Variants in NEBL observed in about 807,000 individuals in gnomAD.
The protein encoded by NEBL is nebulette.
NEBL carries 122 observed loss-of-function variants against 140.2 expected under a neutral mutation model. That is an observed-to-expected ratio of 0.87 (90% CI 0.75 to 1.01). The LOEUF is 1.01. Among genes scored for constraint, NEBL ranks in the 50% least tolerant of loss-of-function variants. NEBL has a pLI of 0.00. For missense variants in NEBL, 1,365 were observed against 1,231.3 expected, an observed-to-expected ratio of 1.11 and a Z score of -1.62; for synonymous variants, 436 against 398.9, an observed-to-expected ratio of 1.09 and a Z score of -1.11.
At position 21,153,454 on chromosome 10, in the gene NEBL, T is replaced by C. The variant is rs531243533; in HGVS notation, c.164+18929A>G. On this transcript the variant is annotated intron_variant, in intron 2 of 6. Transcript: ENST00000417816. ...TCCAGCCTCAGCCTCCTCAGCCTCC[T>C]GAATAGCTGGGATTACAGGTGCCCA... Among the ~76,000 whole-genome samples, 5 of 151,530 alleles carry C rather than the reference T, an allele frequency of 3.3e-5. No homozygotes were observed. The South Asian group carries it at 1.0e-3, about 31-fold the overall frequency.
At chr10:21,222,192 T>A (rs1018180539) in intron 3 of NEBL, among the ~76,000 whole-genome samples, 60 of 151,642 alleles carry the variant, frequency 4.0e-4, no homozygotes, top group Admixed American at 5.9e-4. Context: ...ACACCTGTAA[T>A]CCCACCACTT....
chr10:20,924,339 T>C (rs1833758235), intron 4 of NEBL, among the ~76,000 whole-genome samples: 1 of 149,880 alleles, frequency 6.7e-6, no homozygotes, highest in South Asian at 2.1e-4. Context: ...ACCTATCTGC[T>C]TTGTATCCAC....
chr10:20,787,603 C>T (rs1385163022), intron 26 of NEBL, among the ~76,000 whole-genome samples: 1 of 152,114 alleles, frequency 6.6e-6, no homozygotes, highest in African/African-American at 2.4e-5. Context: ...TTTTCATACT[C>T]CCTTAATGAA....
chr10:21,028,356 T>A (rs1833625631), intron 2 of NEBL, among the ~76,000 whole-genome samples: 1 of 151,772 alleles, frequency 6.6e-6, no homozygotes, highest in Non-Finnish European at 1.5e-5. Flanking sequence ...CTACTTATTA[T>A]AAAGAATACA....
intron 2 of NEBL, among the ~76,000 whole-genome samples, chr10:21,101,833 T>C (rs1837493841): frequency 6.6e-6 from 1 of 152,224 alleles, no homozygotes; most frequent in South Asian, 2.1e-4. Flanking sequence ...TGAATGCATC[T>C]TTCCACTATA....
At chr10:20,910,249 C>T (rs1456704533) in intron 4 of NEBL, among the ~76,000 whole-genome samples, 1 of 152,120 alleles carries the variant, frequency 6.6e-6, no homozygotes, top group Non-Finnish European at 1.5e-5. Context: ...AGCAGTATTT[C>T]TTTTATATAT....
intron 3 of NEBL, among the ~76,000 whole-genome samples, chr10:21,220,716 A>C (rs1842055373): frequency 6.6e-6 from 1 of 152,228 alleles, no homozygotes; most frequent in East Asian, 1.9e-4. Context: ...GAGATAACCT[A>C]TGGAATGGGA....
intron 2 of NEBL, among the ~76,000 whole-genome samples, chr10:21,103,340 A>G (rs1193633875): frequency 6.6e-6 from 1 of 150,546 alleles, no homozygotes; most frequent in Non-Finnish European, 1.5e-5. Flanking sequence ...CAGCCTCCCC[A>G]GTAGCTGGAA....
At chr10:20,868,915 C>T (rs1844625371) in intron 6 of NEBL, 150 bp from the exon 7 acceptor site, 1 of 657,694 alleles carries the variant, frequency 1.5e-6, no homozygotes, top group Non-Finnish European at 2.7e-6. Context: ...ACTGCTAAAG[C>T]AGAAATTGAT....
intron 11 of NEBL, among the ~76,000 whole-genome samples, chr10:20,846,901 A>G (rs1842003722): frequency 6.6e-6 from 1 of 152,162 alleles, no homozygotes; most frequent in Non-Finnish European, 1.5e-5. Context: ...TATTTGTGAA[A>G]TAAGACAAAG....
At chr10:21,227,699 TTCTTCTTCTTCTTTCTTCTTC>T (rs1305768693) in intron 3 of NEBL, among the ~76,000 whole-genome samples, 30 of 80,648 alleles carry the variant, frequency 3.7e-4, no homozygotes, top group African/African-American at 1.5e-3. Flanking sequence ...CTTCTTCTTC[TTCTTCTTCTTCTTTCTTCTTC>T]TTCTTCTTCT....
At chr10:21,200,434 C>T (rs1000852484) in intron 3 of NEBL, among the ~76,000 whole-genome samples, 4 of 151,042 alleles carry the variant, frequency 2.6e-5, no homozygotes, top group African/African-American at 7.3e-5. Flanking sequence ...CTGTCTCAGC[C>T]TCCTGAGTAG....
intron 22 of NEBL, among the ~76,000 whole-genome samples, chr10:20,814,692 A>G (rs931968845): frequency 6.6e-6 from 1 of 152,268 alleles, no homozygotes; most frequent in African/African-American, 2.4e-5. Flanking sequence ...TATTAAATAG[A>G]ACCCAAAGTT....
At chr10:21,091,268 T>C (rs1052383306) in intron 2 of NEBL, among the ~76,000 whole-genome samples, 2 of 152,226 alleles carry the variant, frequency 1.3e-5, no homozygotes, top group Admixed American at 6.5e-5. Context: ...TTGCCCCTTA[T>C]GAAACATCTT....
rs902639334 is a variant in NEBL, at chr10:21,173,934, G to C, written c.-101C>G. The C allele has an allele frequency of 3.3e-5, 46 of 1,409,718 alleles. No individual in the cohort carries two copies. In the African/African-American group the frequency reaches 6.5e-4, roughly 20 times the overall value. The allele number at this position is 1,409,718 out of a possible 1,614,324, so 87.3% of individuals were successfully genotyped here. On this transcript the variant is annotated 5_prime_UTR_variant, in exon 1 of 7. Coordinates refer to the NEBL transcript ENST00000417816. The surrounding 1 kb of genome is among the most constrained non-coding windows in gnomAD (Gnocchi z 5.7). ...CCGCACCGCCTCCTGGCAGGCGGGA[G>C]GGCTGCGGGCGGCGGGCGCCGGGTA...
chr10:21,262,452 G>C (rs1842751352), intron 1 of NEBL, among the ~76,000 whole-genome samples: 7 of 152,190 alleles, frequency 4.6e-5, no homozygotes, highest in Admixed American at 4.6e-4. Context: ...GGGGGTCTCT[G>C]AAGAGTGTCA....
intron 21 of NEBL, among the ~76,000 whole-genome samples, chr10:20,816,297 T>C (rs1484813806): frequency 1.3e-5 from 2 of 152,218 alleles, no homozygotes; most frequent in Non-Finnish European, 2.9e-5. Context: ...TGAGAATAAA[T>C]GTCTTCATGG....
chr10:20,819,286 T>G, intron 20 of NEBL, 138 bp downstream of exon 20: 1 of 1,376,320 alleles, frequency 7.3e-7, no homozygotes. Flanking sequence ...TCTCATCATT[T>G]AGCTCTCATT....
At chr10:21,273,147 A>C (rs1238528456) in intron 1 of NEBL, among the ~76,000 whole-genome samples, 1 of 152,150 alleles carries the variant, frequency 6.6e-6, no homozygotes, top group Non-Finnish European at 1.5e-5. Flanking sequence ...GGGCCCTCGG[A>C]GGAGGTTAAT....
Sources: allele counts gnomAD v4.1 joint callset (sites outside exome capture counted in the v4.1 genomes callset), GRCh38; gene constraint gnomAD v4.1.1; non-coding constraint Gnocchi (gnomAD v3.1); transcripts MANE v1.5; gene names NCBI Gene and HGNC (gene_info 2026-07-23, HGNC 2026-07-21).